The following STIM1 variants were observed in gnomAD, a reference collection of about 807,000 sequenced individuals.
STIM1 encodes the protein stromal interaction molecule 1.
In STIM1, 25 loss-of-function variants were observed where a neutral mutation model predicts 74.7. The observed-to-expected ratio is 0.33, with a 90% CI of 0.24 to 0.47. The LOEUF (loss-of-function observed/expected upper bound fraction) is 0.47. STIM1 is among the 20% of genes least tolerant of loss of function. STIM1 has a pLI of 1.00. For synonymous variants in STIM1, 328 were observed against 348.8 expected, an observed-to-expected ratio of 0.94 and a Z score of 0.66; for missense variants, 728 against 920.8, an observed-to-expected ratio of 0.79 and a Z score of 2.71.
chr11:3,949,028 A>G (rs2093113078), intron 1 of STIM1, among the ~76,000 whole-genome samples: 1 of 152,180 alleles, frequency 6.6e-6, no homozygotes, highest in Non-Finnish European at 1.5e-5. Flanking sequence ...AATTCTCACA[A>G]CCCTATGAGG....
At chr11:3,873,519 G>A (rs572462402) in intron 1 of STIM1, among the ~76,000 whole-genome samples, 17 of 151,200 alleles carry the variant, frequency 1.1e-4, no homozygotes, top group African/African-American at 3.9e-4. Flanking sequence ...CTCGCACCTC[G>A]GCCTCCCAAA....
At position 3,856,161 on chromosome 11, in the gene STIM1, C is replaced by T. The variant is rs751362833; in HGVS notation, c.-110C>T. ...GCGGGTGGCTGGACAGCTGCGGAGCCGCGAGGGCATCTTGCCTGGAGACCG... is the reference window on the plus strand; with the variant it reads ...GCGGGTGGCTGGACAGCTGCGGAGCTGCGAGGGCATCTTGCCTGGAGACCG... On this transcript the variant is annotated 5_prime_UTR_variant, in exon 1 of 13. Transcript: ENST00000526596. 21 of 1,471,700 alleles carry T rather than the reference C, an allele frequency of 1.4e-5. No homozygotes were observed. Among genetic ancestry groups the T allele is most frequent in the Non-Finnish European group, 1.7e-5 (18 of 1,062,898 alleles). The allele number at this position is 1,471,700 out of a possible 1,614,324, so 91.2% of individuals were successfully genotyped here.
intron 1 of STIM1, among the ~76,000 whole-genome samples, chr11:3,878,450 A>G (rs911131911): frequency 3.9e-5 from 6 of 152,092 alleles, no homozygotes; most frequent in Non-Finnish European, 5.9e-5. Flanking sequence ...AAAAGCACAT[A>G]TGAAGTTTCT....
At chr11:3,998,398 C>A (rs2093681755) in intron 2 of STIM1, among the ~76,000 whole-genome samples, 1 of 152,116 alleles carries the variant, frequency 6.6e-6, no homozygotes, top group African/African-American at 2.4e-5. Flanking sequence ...AATTTGGGGA[C>A]CTTTTTCTTT....
intron 11 of STIM1, among the ~76,000 whole-genome samples, chr11:4,085,636 G>T (rs1436315812): frequency 6.6e-6 from 1 of 152,192 alleles, no homozygotes; most frequent in Non-Finnish European, 1.5e-5. Context: ...TTTTTATGTG[G>T]TTAAGATAAT....
At chr11:3,921,797 T>C (rs2092720843) in intron 1 of STIM1, 2 of 152,202 alleles carry the variant, frequency 1.3e-5, no homozygotes, top group African/African-American at 2.4e-5. Context: ...TCTTAAATTA[T>C]TCACTCTGCG....
At chr11:3,974,513 CAAA>C (rs554777497) in intron 2 of STIM1, among the ~76,000 whole-genome samples, 6 of 70,270 alleles carry the variant, frequency 8.5e-5, no homozygotes, top group Admixed American at 1.5e-4. Context: ...CTATCTCTAC[CAAA>C]AAAAAAAAAA....
chr11:3,992,245 CA>C (rs1035191840), intron 2 of STIM1, among the ~76,000 whole-genome samples: 142 of 137,464 alleles, frequency 1.0e-3, no homozygotes, highest in Admixed American at 2.9e-3. Flanking sequence ...TTGGTCTCTA[CA>C]AAAAAAAAAA....
At chr11:4,051,597 C>T (rs757032361) in intron 3 of STIM1, among the ~76,000 whole-genome samples, 24 of 152,054 alleles carry the variant, frequency 1.6e-4, no homozygotes, top group African/African-American at 5.8e-4. Context: ...CCTGCCTTCG[C>T]CTCCCAAAGT....
chr11:4,090,622 C>G (rs1480835248), intron 12 of STIM1, among the ~76,000 whole-genome samples: 1 of 152,196 alleles, frequency 6.6e-6, no homozygotes, highest in African/African-American at 2.4e-5. Context: ...TCCTTGGGGC[C>G]TGGCCCAGAC....
chr11:3,903,569 A>G (rs2092400923), intron 1 of STIM1: 1 of 152,204 alleles, frequency 6.6e-6, no homozygotes. Flanking sequence ...TCCTCTTTCT[A>G]TTGAACAGGC....
chr11:3,865,362 TAC>T (rs1389700815), intron 1 of STIM1, among the ~76,000 whole-genome samples: 1 of 152,216 alleles, frequency 6.6e-6, no homozygotes, highest in African/African-American at 2.4e-5. Context: ...GGAGCCTGTC[TAC>T]CCTAATGGAG....
At position 4,083,338 on chromosome 11, in the gene STIM1, C is replaced by A; in HGVS notation, c.1314C>A (p.Gly438=). Residue 438 remains glycine (G), a synonymous_variant, in exon 10 of 13, where the codon GGC becomes GGA. Coordinates refer to ENST00000526596, the MANE Select transcript of STIM1 (RefSeq NM_001382567.1). ...GGCAACAGATCGAGATCCTCTGTGG[C>A]TTCCAGATTGTCAACAACCCTGGCA... is the stretch of plus-strand genomic sequence containing the variant. ...HRWQQIEILC[G]FQIVNNPGIH... 9 of 1,614,244 alleles carry A rather than the reference C, an allele frequency of 5.6e-6. No individual in the cohort carries two copies. The highest frequency in any genetic ancestry group is 7.6e-6 in the Non-Finnish European group (9 of 1,180,038).
intron 2 of STIM1, among the ~76,000 whole-genome samples, chr11:3,999,228 C>T (rs552427006): frequency 1.4e-4 from 21 of 152,284 alleles, no homozygotes; most frequent in African/African-American, 4.8e-4. Context: ...GTCCAAGCTA[C>T]TCGGGAGGCT....
intron 7 of STIM1, among the ~76,000 whole-genome samples, chr11:4,078,436 C>T (rs10835596): frequency 0.24 from 37,110 of 152,144 alleles, 5,609 homozygotes; most frequent in South Asian, 0.44. Context: ...TCGGCTGTCA[C>T]CTAAAATCAT....
intron 2 of STIM1, among the ~76,000 whole-genome samples, chr11:3,989,934 A>G (rs2093594160): frequency 6.6e-6 from 1 of 152,238 alleles, no homozygotes; most frequent in Non-Finnish European, 1.5e-5. Context: ...ACCCATTTAT[A>G]TACAATTCAA....
intron 2 of STIM1, among the ~76,000 whole-genome samples, chr11:4,004,843 A>G (rs1169058099): frequency 1.3e-5 from 2 of 152,258 alleles, no homozygotes; most frequent in Admixed American, 1.3e-4. Flanking sequence ...CTCATCTGAC[A>G]AAGGGCTAAT....
intron 2 of STIM1, chr11:3,989,183 C>G (rs748513547): frequency 3.0e-6 from 3 of 1,016,590 alleles, no homozygotes; most frequent in African/African-American, 3.2e-5. Flanking sequence ...TCCTTCTCTC[C>G]TGCCTCATCA....
intron 5 of STIM1, among the ~76,000 whole-genome samples, chr11:4,064,715 G>T (rs2094354169): frequency 6.6e-6 from 1 of 152,204 alleles, no homozygotes; most frequent in South Asian, 2.1e-4. Flanking sequence ...GACTGGCTCA[G>T]CAGAGGGCCA....
Sources: allele counts gnomAD v4.1 joint callset (sites outside exome capture counted in the v4.1 genomes callset), GRCh38; gene constraint gnomAD v4.1.1; transcripts MANE v1.5; gene names NCBI Gene and HGNC (gene_info 2026-07-23, HGNC 2026-07-21).